The following RSRC1 variants were observed in gnomAD, a reference collection of about 807,000 sequenced individuals.
RSRC1 encodes the protein arginine and serine rich coiled-coil 1.
RSRC1 carries 39 observed loss-of-function variants against 49.1 expected under a neutral mutation model. The ratio of observed to expected loss-of-function variants is 0.79; its 90% CI spans 0.61 to 1.04. The LOEUF (loss-of-function observed/expected upper bound fraction) is 1.04, where lower values mean the gene tolerates loss of function less well. RSRC1 is among the 50% of genes least tolerant of loss of function. The pLI is 0.00. For missense variants in RSRC1, 388 were observed against 402.4 expected, an observed-to-expected ratio of 0.96 and a Z score of 0.31; for synonymous variants, 143 against 130.8, an observed-to-expected ratio of 1.09 and a Z score of -0.63.
intron 7 of RSRC1, among the ~76,000 whole-genome samples, chr3:158,482,211 C>T (rs548459078): frequency 4.8e-4 from 70 of 146,320 alleles, no homozygotes; most frequent in African/African-American, 1.7e-3. Context: ...AAAGCTACCA[C>T]TCAGCAGAAG....
At chr3:158,511,587 G>A (rs2108474042) in intron 7 of RSRC1, among the ~76,000 whole-genome samples, 1 of 152,266 alleles carries the variant, frequency 6.6e-6, no homozygotes, top group South Asian at 2.1e-4. Flanking sequence ...AAACATACAT[G>A]TGCATGTGTC....
intron 6 of RSRC1, among the ~76,000 whole-genome samples, chr3:158,363,744 A>G (rs1731609564): frequency 6.6e-6 from 1 of 152,210 alleles, no homozygotes; most frequent in Non-Finnish European, 1.5e-5. Flanking sequence ...TCTTATTGAT[A>G]CCACAAAGGG....
intron 4 of RSRC1, among the ~76,000 whole-genome samples, chr3:158,251,394 A>C (rs150342514): frequency 6.6e-6 from 1 of 152,096 alleles, no homozygotes; most frequent in Admixed American, 6.6e-5. Context: ...TTAAATCTGT[A>C]GATTGCTTTG....
intron 3 of RSRC1, among the ~76,000 whole-genome samples, chr3:158,148,883 A>T (rs1717336266): frequency 6.6e-6 from 1 of 151,906 alleles, no homozygotes; most frequent in Admixed American, 6.6e-5. Flanking sequence ...TCCCAGGTTC[A>T]AGTGAGTCTC....
At chr3:158,234,594 C>CAT (rs1369229466) in intron 4 of RSRC1, among the ~76,000 whole-genome samples, 47 of 136,838 alleles carry the variant, frequency 3.4e-4, no homozygotes, top group African/African-American at 1.1e-3. Flanking sequence ...TGTTCTTCCT[C>CAT]ATATTTTTTT....
chr3:158,409,514 A>T (rs1454841860), intron 6 of RSRC1, among the ~76,000 whole-genome samples: 1 of 151,714 alleles, frequency 6.6e-6, no homozygotes, highest in East Asian at 1.9e-4. Context: ...ACTCCCTAAC[A>T]TTGTATTTTA....
intron 3 of RSRC1, among the ~76,000 whole-genome samples, chr3:158,192,928 G>C (rs1056554501): frequency 2.6e-5 from 4 of 152,032 alleles, no homozygotes; most frequent in Non-Finnish European, 4.4e-5. Context: ...GATTTTAAAG[G>C]TCTGTCAAAA....
At chr3:158,409,038 T>TAA (rs771877514) in intron 6 of RSRC1, among the ~76,000 whole-genome samples, 4 of 151,670 alleles carry the variant, frequency 2.6e-5, no homozygotes. Flanking sequence ...GTCTGAATAA[T>TAA]AATAATAATA....
intron 7 of RSRC1, among the ~76,000 whole-genome samples, chr3:158,477,798 TTATATA>T (rs67839411): frequency 3.3e-5 from 3 of 89,760 alleles, no homozygotes; most frequent in African/African-American, 1.4e-4. Context: ...CGGGAGGGAT[TTATATA>T]TATATATATA....
intron 7 of RSRC1, among the ~76,000 whole-genome samples, chr3:158,503,742 C>G (rs1052489730): frequency 6.6e-5 from 10 of 152,096 alleles, no homozygotes; most frequent in South Asian, 6.2e-4. Context: ...CCGTGCCCCC[C>G]CAACAGCCCT....
At chr3:158,259,212 G>C (rs1215704266) in intron 4 of RSRC1, among the ~76,000 whole-genome samples, 1 of 152,014 alleles carries the variant, frequency 6.6e-6, no homozygotes, top group Non-Finnish European at 1.5e-5. Context: ...ATCCTTCTTG[G>C]GGAGGCTTTC....
chr3:158,476,903 A>G (rs1738390550), intron 7 of RSRC1, among the ~76,000 whole-genome samples: 1 of 152,192 alleles, frequency 6.6e-6, no homozygotes, highest in African/African-American at 2.4e-5. Flanking sequence ...AGACGCCATT[A>G]AGAACATTTG....
intron 5 of RSRC1, among the ~76,000 whole-genome samples, chr3:158,315,346 A>G (rs1578325125): frequency 6.6e-6 from 1 of 152,170 alleles, no homozygotes; most frequent in Non-Finnish European, 1.5e-5. Flanking sequence ...AAATCCAAGA[A>G]GTATGGCTCC....
At chr3:158,505,518 ATAATG>A (rs1739814644) in intron 7 of RSRC1, among the ~76,000 whole-genome samples, 1 of 152,148 alleles carries the variant, frequency 6.6e-6, no homozygotes, top group Admixed American at 6.5e-5. Flanking sequence ...CTGTAAAACT[ATAATG>A]TAAGGAGAAT....
At chr3:158,224,674 C>T (rs996872874) in intron 4 of RSRC1, among the ~76,000 whole-genome samples, 15 of 151,676 alleles carry the variant, frequency 9.9e-5, no homozygotes, top group Non-Finnish European at 2.1e-4. Flanking sequence ...CTTTTCCTCC[C>T]CTCCCCTCCA....
At chr3:158,319,872 A>G (rs997032078) in intron 5 of RSRC1, among the ~76,000 whole-genome samples, 1 of 152,216 alleles carries the variant, frequency 6.6e-6, no homozygotes, top group Non-Finnish European at 1.5e-5. Context: ...ACCTGATCAG[A>G]CAACCTTATC....
intron 4 of RSRC1, among the ~76,000 whole-genome samples, chr3:158,204,695 C>T (rs963145390): frequency 2.0e-5 from 3 of 152,046 alleles, no homozygotes; most frequent in African/African-American, 7.2e-5. Flanking sequence ...CAAGGAACTG[C>T]CTTGCTTCTG....
chr3:158,183,058 T>C (rs1209080709), intron 3 of RSRC1, among the ~76,000 whole-genome samples: 4 of 152,138 alleles, frequency 2.6e-5, no homozygotes, highest in African/African-American at 9.6e-5. Flanking sequence ...CTCCTTCCAA[T>C]ATTTCCCTTC....
chr3:158,248,654 G>T (rs827181), intron 4 of RSRC1, among the ~76,000 whole-genome samples: 71,889 of 150,902 alleles, frequency 0.48, 17,679 homozygotes, highest in East Asian at 0.64. Flanking sequence ...CTGGAGTGCA[G>T]TAATGTGATC....
Sources: allele counts gnomAD v4.1 joint callset (sites outside exome capture counted in the v4.1 genomes callset), GRCh38; gene constraint gnomAD v4.1.1; transcripts MANE v1.5; gene names NCBI Gene and HGNC (gene_info 2026-07-23, HGNC 2026-07-21).